Variants in FHOD3 observed in about 807,000 individuals in gnomAD.
FHOD3 encodes the protein FH1/FH2 domain-containing protein 3.
FHOD3 carries 90 observed loss-of-function variants against 173.0 expected under a neutral mutation model. That is an observed-to-expected ratio of 0.52 (90% CI 0.44 to 0.62). FHOD3 has a LOEUF of 0.62. Among genes scored for constraint, FHOD3 ranks in the 20% least tolerant of loss-of-function variants. The probability of loss-of-function intolerance (pLI) is 0.00; values close to 1 mark genes in which losing one functional copy is unlikely to be tolerated. For missense variants in FHOD3, 1,945 were observed against 2,034.7 expected (o/e 0.96, Z 0.85); for synonymous variants, 828 against 823.0 (o/e 1.01, Z -0.10).
intron 19 of FHOD3, among the ~76,000 whole-genome samples, chr18:36,720,054 G>A (rs746276555): frequency 6.6e-6 from 1 of 152,204 alleles, no homozygotes; most frequent in East Asian, 1.9e-4. Flanking sequence ...TTAGGATCCA[G>A]TGTAAAAAAT....
At chr18:36,353,611 T>G (rs528841562) in intron 1 of FHOD3, among the ~76,000 whole-genome samples, 1 of 152,354 alleles carries the variant, frequency 6.6e-6, no homozygotes, top group South Asian at 2.1e-4. Context: ...AGAAGATGAA[T>G]TGAGTCACTC....
chr18:36,333,914 TG>T (rs896109367), intron 1 of FHOD3, among the ~76,000 whole-genome samples: 5 of 152,250 alleles, frequency 3.3e-5, no homozygotes, highest in African/African-American at 1.2e-4. Context: ...TAACCCCCAG[TG>T]CTTTATCTGT....
At chr18:36,554,343 G>A (rs570626611) in intron 5 of FHOD3, among the ~76,000 whole-genome samples, 3 of 152,252 alleles carry the variant, frequency 2.0e-5, no homozygotes, top group East Asian at 1.9e-4. Flanking sequence ...GTAGGGACAC[G>A]GATGAAGCTA....
At chr18:36,445,552 G>A (rs978276240) in intron 3 of FHOD3, among the ~76,000 whole-genome samples, 1 of 152,230 alleles carries the variant, frequency 6.6e-6, no homozygotes, top group African/African-American at 2.4e-5. Context: ...GGTACCCTGT[G>A]AAAGTTATTT....
At chr18:36,648,303 A>T (rs553890723) in intron 10 of FHOD3, among the ~76,000 whole-genome samples, 2 of 152,316 alleles carry the variant, frequency 1.3e-5, no homozygotes, top group South Asian at 4.2e-4. Flanking sequence ...GGTGGAGGTC[A>T]CTGGAGTTCA....
chr18:36,455,009 C>T (rs1469165648), intron 3 of FHOD3, among the ~76,000 whole-genome samples: 4 of 152,080 alleles, frequency 2.6e-5, no homozygotes, highest in African/African-American at 9.7e-5. Flanking sequence ...TCTTCAAACC[C>T]GCTAATATGA....
At chr18:36,448,981 G>A (rs1310699820) in intron 3 of FHOD3, among the ~76,000 whole-genome samples, 2 of 151,474 alleles carry the variant, frequency 1.3e-5, no homozygotes, top group African/African-American at 4.9e-5. Flanking sequence ...TTTCAGGACA[G>A]CCATTTCTCG....
At chr18:36,371,785 G>C (rs1401112347) in intron 2 of FHOD3, among the ~76,000 whole-genome samples, 1 of 152,128 alleles carries the variant, frequency 6.6e-6, no homozygotes, top group Admixed American at 6.5e-5. Flanking sequence ...GCCAGATTCT[G>C]TTATACATTA....
intron 11 of FHOD3, among the ~76,000 whole-genome samples, chr18:36,649,902 A>G (rs1472689341): frequency 6.6e-6 from 1 of 152,222 alleles, no homozygotes; most frequent in East Asian, 1.9e-4. Context: ...GCATCATAGC[A>G]AAATTTCCCA....
rs1218870010 is a variant in FHOD3, at chr18:36,523,285, A to T, written c.511+10742A>T. 2.0e-5 allele frequency among the ~76,000 whole-genome samples: 3 copies of T among 152,218 alleles called. No individual in the cohort carries two copies. In the East Asian group the frequency reaches 5.8e-4, roughly 29 times the overall value. On this transcript the variant is annotated intron_variant, in intron 5 of 28. Coordinates refer to ENST00000590592, the MANE Select transcript of FHOD3 (RefSeq NM_001281740.3). ...TGGATAAATAAGGGGTTGCTTTTAG[A>T]GGAGGGGCAAAATTGTTGCCCTTAA...
intron 9 of FHOD3, among the ~76,000 whole-genome samples, chr18:36,619,563 C>T (rs188213749): frequency 6.6e-5 from 10 of 152,306 alleles, no homozygotes; most frequent in Admixed American, 5.9e-4. Context: ...TGGCCCTCAT[C>T]GTTTCTTGCC....
At chr18:36,726,948 C>T (rs1025389166) in intron 19 of FHOD3, among the ~76,000 whole-genome samples, 18 of 152,354 alleles carry the variant, frequency 1.2e-4, no homozygotes, top group African/African-American at 4.3e-4. Flanking sequence ...GCTGGGATTA[C>T]AGGCTTGAGC....
At chr18:36,406,403 C>A (rs577912674) in intron 3 of FHOD3, among the ~76,000 whole-genome samples, 1 of 152,058 alleles carries the variant, frequency 6.6e-6, no homozygotes, top group Non-Finnish European at 1.5e-5. Flanking sequence ...TTCCTCTCAG[C>A]GTTTATGGGC....
At chr18:36,716,215 T>A (rs1368112490) in intron 18 of FHOD3, among the ~76,000 whole-genome samples, 2 of 152,206 alleles carry the variant, frequency 1.3e-5, no homozygotes. Flanking sequence ...GAGAGTCCAG[T>A]GGGGACGCCC....
At chr18:36,314,744 C>G (rs1209948283) in intron 1 of FHOD3, among the ~76,000 whole-genome samples, 1 of 152,134 alleles carries the variant, frequency 6.6e-6, no homozygotes, top group Admixed American at 6.5e-5. Flanking sequence ...GGACCTGCCT[C>G]AAATGAAAAA....
chr18:36,488,604 A>G (rs2054307721), intron 3 of FHOD3, among the ~76,000 whole-genome samples: 1 of 152,214 alleles, frequency 6.6e-6, no homozygotes, highest in African/African-American at 2.4e-5. Context: ...GGGGCTGGAG[A>G]GAGAAAGAAA....
At position 36,355,780 on chromosome 18, in the gene FHOD3, T is replaced by C. The variant is rs1437781405; in HGVS notation, c.272+135T>C. 9 of 706,186 alleles carry C rather than the reference T, an allele frequency of 1.3e-5. No homozygotes were observed. In the East Asian group the frequency reaches 1.6e-4, roughly 13 times the overall value. The allele number at this position is 706,186 out of a possible 1,614,324, so 43.7% of individuals were successfully genotyped here. On this transcript the variant is annotated intron_variant, in intron 2 of 28. Coordinates refer to ENST00000590592, the MANE Select transcript of FHOD3 (RefSeq NM_001281740.3). ...AATTCTCAATCACACACGAGGGAGA[T>C]GCAAGTGACTCATCAGTGGTGACTG...
At chr18:36,729,946 T>G (rs1175667675) in intron 19 of FHOD3, among the ~76,000 whole-genome samples, 1 of 152,232 alleles carries the variant, frequency 6.6e-6, no homozygotes, top group Non-Finnish European at 1.5e-5. Flanking sequence ...AGGACACTTC[T>G]TATTCCCTGC....
At chr18:36,719,089 A>G (rs920266050) in intron 19 of FHOD3, among the ~76,000 whole-genome samples, 1 of 152,220 alleles carries the variant, frequency 6.6e-6, no homozygotes, top group Non-Finnish European at 1.5e-5. Context: ...TGCTTATTTA[A>G]TCTTACCTTC....
Sources: allele counts gnomAD v4.1 joint callset (sites outside exome capture counted in the v4.1 genomes callset), GRCh38; gene constraint gnomAD v4.1.1; transcripts MANE v1.5; gene names NCBI Gene and HGNC (gene_info 2026-07-23, HGNC 2026-07-21).